SEMA4D: variants seen among roughly 807,000 people sequenced by gnomAD.
SEMA4D encodes the protein semaphorin-4D.
A neutral mutation model predicts 74.8 loss-of-function variants in SEMA4D; 22 were observed. The observed-to-expected ratio is 0.29, with a 90% confidence interval of 0.21 to 0.42. The LOEUF (loss-of-function observed/expected upper bound fraction) is 0.42. Ranked by LOEUF, SEMA4D falls within the 10% of genes least tolerant of loss-of-function variation. The pLI, the probability that SEMA4D is intolerant of heterozygous loss-of-function variation, is 1.00. For missense variants in SEMA4D, 937 were observed against 1,118.4 expected, an observed-to-expected ratio of 0.84 and a Z score of 2.31; for synonymous variants, 445 against 463.7, an observed-to-expected ratio of 0.96 and a Z score of 0.52.
At chr9:89,444,278 T>A (rs990915066) in intron 2 of SEMA4D, among the ~76,000 whole-genome samples, 9 of 152,150 alleles carry the variant, frequency 5.9e-5, no homozygotes. Flanking sequence ...TACCCACCCT[T>A]ATCATGCTCT....
chr9:89,375,327 G>A (rs1835644236), downstream of SEMA4D, among the ~76,000 whole-genome samples: 1 of 152,202 alleles, frequency 6.6e-6, no homozygotes, highest in Non-Finnish European at 1.5e-5. Context: ...GGCCACAGGG[G>A]GCTCAGCACA....
At chr9:89,452,733 G>A (rs1255641933) in intron 2 of SEMA4D, among the ~76,000 whole-genome samples, 3 of 152,138 alleles carry the variant, frequency 2.0e-5, no homozygotes, top group African/African-American at 2.4e-5. Flanking sequence ...GATTATATGC[G>A]TGAGCCACCA....
At chr9:89,434,832 G>A (rs972996880) in intron 2 of SEMA4D, among the ~76,000 whole-genome samples, 1 of 152,192 alleles carries the variant, frequency 6.6e-6, no homozygotes, top group Admixed American at 6.5e-5. Flanking sequence ...GCCCTGTCAG[G>A]GAATGTAGAG....
chr9:89,466,898 CTA>C lies in SEMA4D; in HGVS notation c.-309-10947_-309-10946del, dbSNP rs145568396. Among the ~76,000 whole-genome samples, 432 of 152,296 alleles carry C rather than the reference CTA, an allele frequency of 2.8e-3. 2 individuals are homozygous for C. Among genetic ancestry groups the C allele is most frequent in the African/African-American group, 9.8e-3 (408 of 41,544 alleles). ...CCCTCCCCACAGTGGTCTTGTTACT[CTA>C]TAACTAGAAGTTTCTGAGCCACCAG... On this transcript the variant is annotated intron_variant, in intron 1 of 15. Coordinates refer to ENST00000422704, the MANE Select transcript of SEMA4D (RefSeq NM_001371194.2).
intron 2 of SEMA4D, among the ~76,000 whole-genome samples, chr9:89,406,310 C>A (rs980283193): frequency 6.6e-6 from 1 of 152,212 alleles, no homozygotes; most frequent in African/African-American, 2.4e-5. Context: ...TGGGACCCTG[C>A]TAGCTCTTCC....
intron 1 of SEMA4D, among the ~76,000 whole-genome samples, chr9:89,478,786 AAGGCCCTTCCTT>A (rs1862423449): frequency 5.2e-5 from 1 of 19,266 alleles, no homozygotes. Context: ...ACCCCACCCC[AAGGCCCTTCCTT>A]CCCCCTCCTT....
chr9:89,441,638 CA>C (rs1851679715), intron 2 of SEMA4D, among the ~76,000 whole-genome samples: 1 of 152,228 alleles, frequency 6.6e-6, no homozygotes, highest in Non-Finnish European at 1.5e-5. Context: ...CCCACCACCC[CA>C]TGGCTCCTCC....
intron 9 of SEMA4D, among the ~76,000 whole-genome samples, chr9:89,390,313 T>C (rs920276945): frequency 1.3e-5 from 2 of 151,928 alleles, no homozygotes; most frequent in Admixed American, 6.6e-5. Flanking sequence ...ACTGATACTG[T>C]TGATAGGATG....
chr9:89,386,487 A>C lies in SEMA4D; in HGVS notation c.1331-5T>G. 2 of 1,610,374 alleles carry C rather than the reference A, an allele frequency of 1.2e-6. No homozygotes were observed. Among genetic ancestry groups the C allele is most frequent in the Non-Finnish European group, 1.7e-6 (2 of 1,176,748 alleles). ...CTTTGTGCAGAGCTCCCCGGTCTGCAGGGCCAAAGCTACAGGTCAGTGACA... is the reference window on the plus strand; with the variant it reads ...CTTTGTGCAGAGCTCCCCGGTCTGCCGGGCCAAAGCTACAGGTCAGTGACA... On this transcript the variant is annotated splice_polypyrimidine_tract_variant and splice_region_variant and intron_variant, in intron 12 of 15. Coordinates refer to ENST00000422704, the MANE Select transcript of SEMA4D (RefSeq NM_001371194.2).
intron 2 of SEMA4D, among the ~76,000 whole-genome samples, chr9:89,440,175 G>A (rs1006774680): frequency 6.6e-6 from 1 of 152,032 alleles, no homozygotes; most frequent in South Asian, 2.1e-4. Context: ...ACACCCACCC[G>A]GGACGAGCCC....
At chr9:89,372,856 G>A (rs1029934434), downstream of SEMA4D, among the ~76,000 whole-genome samples, 1 of 152,060 alleles carries the variant, frequency 6.6e-6, no homozygotes, top group Non-Finnish European at 1.5e-5. Context: ...GGCCTTCTCA[G>A]GACCGTCCCA....
In SEMA4D at chr9:89,465,951, T is replaced by C. The variant is rs377331705; in HGVS notation, c.-309-9998A>G. Among the ~76,000 whole-genome samples the C allele has an allele frequency of 4.9e-4, 75 of 152,226 alleles. 2 individuals are homozygous for C. In the South Asian group the frequency reaches 0.015, roughly 31 times the overall value. ...GGGAAGGTGATGCTGCAGAATAAGG[T>C]GTGTCTAGAGATGGTGTCAGGAGTG... On this transcript the variant is annotated intron_variant, in intron 1 of 15. Transcript: ENST00000422704.
intron 1 of SEMA4D, among the ~76,000 whole-genome samples, chr9:89,464,682 G>C (rs1858208000): frequency 6.6e-6 from 1 of 151,980 alleles, no homozygotes; most frequent in African/African-American, 2.4e-5. Context: ...CAGCAACTCA[G>C]GCAGTCACAG....
intron 2 of SEMA4D, among the ~76,000 whole-genome samples, chr9:89,407,020 TCTC>T (rs2133812146): frequency 6.7e-6 from 1 of 149,944 alleles, no homozygotes; most frequent in African/African-American, 2.5e-5. Context: ...CTGGGGCTTG[TCTC>T]CTCCTGTCCA....
At chr9:89,396,689 C>A (rs1361459030) in intron 6 of SEMA4D, 48 bp downstream of exon 6, 1 of 1,504,362 alleles carries the variant, frequency 6.6e-7, no homozygotes, top group South Asian at 1.2e-5. Context: ...TCTACTTTAA[C>A]TGCTGACCAG....
intron 3 of SEMA4D, among the ~76,000 whole-genome samples, chr9:89,404,584 AGTCCCCATCCC>A (rs1842870763): frequency 1.0e-5 from 1 of 98,980 alleles, no homozygotes; most frequent in East Asian, 2.8e-4. Context: ...CAGGAAGTGG[AGTCCCCATCCC>A]GTCCCCAGCC....
At chr9:89,384,964 G>C in intron 13 of SEMA4D, 1 of 985,434 alleles carries the variant, frequency 1.0e-6, no homozygotes, top group Non-Finnish European at 1.2e-6. Flanking sequence ...AGGCAACTAA[G>C]CCACGTCCCC....
At chr9:89,372,852 C>T (rs1166008872), downstream of SEMA4D, among the ~76,000 whole-genome samples, 1 of 152,078 alleles carries the variant, frequency 6.6e-6, no homozygotes, top group Non-Finnish European at 1.5e-5. Context: ...CCAGGGCCTT[C>T]TCAGGACCGT....
intron 1 of SEMA4D, among the ~76,000 whole-genome samples, chr9:89,495,922 G>A (rs1825974934): frequency 6.6e-6 from 1 of 152,014 alleles, no homozygotes; most frequent in Non-Finnish European, 1.5e-5. Context: ...TTTTGCTGTT[G>A]TGCTGTCAGC....
Sources: gnomAD v4.1 joint callset for allele counts (sites outside exome capture counted in the v4.1 genomes callset) on GRCh38, gnomAD v4.1.1 for gene constraint, MANE v1.5 for transcripts, NCBI Gene and HGNC (gene_info 2026-07-23, HGNC 2026-07-21) for gene names.